SP110: variants seen among roughly 807,000 people sequenced by gnomAD.
The protein encoded by SP110 is interferon-induced protein 41, 30kD.
A neutral mutation model predicts 92.7 loss-of-function variants in SP110; 62 were observed. That is an observed-to-expected ratio of 0.67 (90% CI 0.55 to 0.83). SP110 has a LOEUF of 0.83. Ranked by LOEUF, SP110 falls within the 40% of genes least tolerant of loss-of-function variation. The pLI is 0.00. For missense variants in SP110, 793 were observed against 863.9 expected (o/e 0.92, Z 1.03); for synonymous variants, 273 against 305.3 (o/e 0.89, Z 1.10).
intron 8 of SP110, among the ~76,000 whole-genome samples, chr2:230,205,945 T>C (rs1392699259): frequency 6.6e-6 from 1 of 152,168 alleles, no homozygotes; most frequent in Non-Finnish European, 1.5e-5. Context: ...AGGAGGCCCA[T>C]AGAGAATACA....
At chr2:230,179,379 A>G (rs2148720224) in intron 12 of SP110, among the ~76,000 whole-genome samples, 1 of 151,862 alleles carries the variant, frequency 6.6e-6, no homozygotes, top group East Asian at 2.0e-4. Flanking sequence ...TTGTTTCAAC[A>G]GCCAGCCCTC....
intron 10 of SP110, among the ~76,000 whole-genome samples, chr2:230,199,154 T>C (rs200418631): frequency 9.0e-6 from 1 of 111,616 alleles, no homozygotes; most frequent in Non-Finnish European, 1.8e-5. Flanking sequence ...TATTATTTTT[T>C]TTTTTTTTTA....
chr2:230,168,911 G>A lies in SP110; in HGVS notation c.*213C>T. 1 of 334,444 alleles carries A rather than the reference G, an allele frequency of 3.0e-6. No individual in the cohort carries two copies. The highest frequency in any genetic ancestry group is 2.5e-5 in the South Asian group (1 of 40,626). The allele number at this position is 334,444 out of a possible 1,614,324, so 20.7% of individuals were successfully genotyped here. On this transcript the variant is annotated 3_prime_UTR_variant, in exon 19 of 19. Coordinates refer to ENST00000258381, the MANE Select transcript of SP110 (RefSeq NM_080424.4). Reference sequence around the variant, plus strand: ...TGGGGTATCTGATGGTATTAAGGAAGTATTAATTTTTTTTTTTTTTAGTGT... The same window carrying A: ...TGGGGTATCTGATGGTATTAAGGAAATATTAATTTTTTTTTTTTTTAGTGT...
At chr2:230,187,404 T>C (rs999143597) in intron 10 of SP110, among the ~76,000 whole-genome samples, 1 of 152,228 alleles carries the variant, frequency 6.6e-6, no homozygotes, top group African/African-American at 2.4e-5. Flanking sequence ...CTTCATTGGA[T>C]GCATAATTTG....
At chr2:230,172,709 G>A in intron 15 of SP110, 135 bp downstream of exon 15, 1 of 650,876 alleles carries the variant, frequency 1.5e-6, no homozygotes, top group Admixed American at 2.2e-5. Flanking sequence ...GGCAGTCTCA[G>A]AGACCCAGAG....
Position 230,216,909 on chromosome 2 carries a change from C to G in SP110, c.19G>C (p.Ala7Pro), listed in dbSNP as rs202145240. ...TGCTGAAAAAGAGCCTCTTCCATGGCTCTTGTCATGGTGAACATCCTATGG... is the reference window on the plus strand; with the variant it reads ...TGCTGAAAAAGAGCCTCTTCCATGGGTCTTGTCATGGTGAACATCCTATGG... MFTMTR[A>P]MEEALFQHFM... Residue 7 changes from alanine to proline, a missense_variant, in exon 2 of 19, where the codon GCC (alanine) becomes CCC (proline). Physicochemically the swap from Ala to Pro is conservative, Grantham distance 27. Coordinates refer to ENST00000258381, the MANE Select transcript of SP110 (RefSeq NM_080424.4). 1.9e-6 allele frequency: 3 copies of G among 1,613,632 alleles called. No individual in the cohort carries two copies. The highest frequency in any genetic ancestry group is 1.3e-5 in the African/African-American group (1 of 74,878).
chr2:230,211,028 C>T lies in SP110; in HGVS notation c.751+442G>A, dbSNP rs983807332. Among the ~76,000 whole-genome samples, 2 of 152,184 alleles carry T rather than the reference C, an allele frequency of 1.3e-5. No homozygotes were observed. The highest frequency in any genetic ancestry group is 2.9e-5 in the Non-Finnish European group (2 of 68,028). ...CATTTGCTTTGCATTTTGACAGAGC[C>T]GTTTTGAGCACTACTTTATTGAAGT... is the stretch of plus-strand genomic sequence containing the variant. On this transcript the variant is annotated intron_variant, in intron 6 of 18. Coordinates refer to ENST00000258381, the MANE Select transcript of SP110 (RefSeq NM_080424.4). The surrounding 1 kb of genome is among the most constrained non-coding windows in gnomAD (Gnocchi z 4.2).
rs1553839905 is a variant in SP110, at chr2:230,168,917, AT to A, written c.*206del. ...ATCTGATGGTATTAAGGAAGTATTA[AT>A]TTTTTTTTTTTTTAGTGTAGATATA... On this transcript the variant is annotated 3_prime_UTR_variant, in exon 19 of 19. Coordinates refer to ENST00000258381, the MANE Select transcript of SP110 (RefSeq NM_080424.4). 0.063 allele frequency: 26,436 copies of A among 422,044 alleles called. 137 individuals are homozygous for A. Among genetic ancestry groups the A allele is most frequent in the South Asian group, 0.12 (4,552 of 39,040 alleles). 26.1% of individuals were successfully genotyped at this position (422,044 alleles called of 1,614,324 possible).
At chr2:230,222,125 G>C (rs565304458), upstream of SP110, among the ~76,000 whole-genome samples, 1 of 152,196 alleles carries the variant, frequency 6.6e-6, no homozygotes, top group South Asian at 2.1e-4. Flanking sequence ...AGCTACTCGG[G>C]AGGCTGAGGC....
At chr2:230,222,084 GC>G (rs2045866427), upstream of SP110, among the ~76,000 whole-genome samples, 1 of 152,270 alleles carries the variant, frequency 6.6e-6, no homozygotes, top group Non-Finnish European at 1.5e-5. Flanking sequence ...AAAAAAATTA[GC>G]TGGGCGTGGT....
Position 230,171,686 on chromosome 2 carries a change from T to A in SP110, c.1887+10A>T, listed in dbSNP as rs753451316. On this transcript the variant is annotated intron_variant, in intron 17 of 18. Transcript: ENST00000258381. Reference sequence around the variant, plus strand: ...CATTTTATGCAAGAGAACCGTAAAATGTGACTTACATTAAATGGGATGCCC... The same window carrying A: ...CATTTTATGCAAGAGAACCGTAAAAAGTGACTTACATTAAATGGGATGCCC... 6.2e-7 allele frequency: 1 copy of A among 1,606,752 alleles called. No individual in the cohort carries two copies. The highest frequency in any genetic ancestry group is 1.7e-5 in the Admixed American group (1 of 60,008).
chr2:230,199,765 G>T (rs1574660491), intron 10 of SP110, among the ~76,000 whole-genome samples: 1 of 151,916 alleles, frequency 6.6e-6, no homozygotes, highest in East Asian at 1.9e-4. Context: ...TTATCCATAG[G>T]ATCTTGGAAG....
At chr2:230,212,288 G>A (rs1015250346) in intron 5 of SP110, 59 bp downstream of exon 5, 24 of 1,255,798 alleles carry the variant, frequency 1.9e-5, no homozygotes, top group Middle Eastern at 3.9e-4. Context: ...GTTGGCAGAC[G>A]CATGTTCTCC....
At chr2:230,190,732 T>C (rs1413912747) in intron 10 of SP110, among the ~76,000 whole-genome samples, 1 of 152,240 alleles carries the variant, frequency 6.6e-6, no homozygotes, top group Non-Finnish European at 1.5e-5. Flanking sequence ...TTATTTTTTG[T>C]ATAAGATGTG....
At chr2:230,185,924 A>G in intron 11 of SP110, 70 bp downstream of exon 11, 1 of 1,320,710 alleles carries the variant, frequency 7.6e-7, no homozygotes, top group Non-Finnish European at 1.1e-6. Flanking sequence ...TATCTATCTG[A>G]CCCTGTACTG....
chr2:230,198,649 C>T (rs1174347341), intron 10 of SP110, among the ~76,000 whole-genome samples: 1 of 152,014 alleles, frequency 6.6e-6, no homozygotes, highest in Non-Finnish European at 1.5e-5. Context: ...GGCTGGAGTG[C>T]AGTGGCATGA....
chr2:230,186,296 TTC>T, intron 10 of SP110, among the ~76,000 whole-genome samples, 153 bp from the exon 11 acceptor site: 1 of 152,254 alleles, frequency 6.6e-6, no homozygotes, highest in South Asian at 2.1e-4. Flanking sequence ...TTCCTTCTAT[TTC>T]TCTTTTTCAA....
chr2:230,166,337 C>T lies in SP110; in HGVS notation c.*2787G>A, dbSNP rs1266427647. 6.6e-6 allele frequency among the ~76,000 whole-genome samples: 1 copy of T among 152,216 alleles called. No individual in the cohort carries two copies. Among genetic ancestry groups the T allele is most frequent in the Admixed American group, 6.5e-5 (1 of 15,278 alleles). ...GATAATGTGGTTACCACTGTCTCTC[C>T]AGTGAACTCTGGGTCACACACTTTT... is the stretch of plus-strand genomic sequence containing the variant. On this transcript the variant is annotated 3_prime_UTR_variant, in exon 19 of 19. Coordinates refer to ENST00000258381, the MANE Select transcript of SP110 (RefSeq NM_080424.4).
chr2:230,209,795 A>T, intron 7 of SP110, 136 bp downstream of exon 7: 1 of 713,054 alleles, frequency 1.4e-6, no homozygotes, highest in Non-Finnish European at 2.5e-6. Context: ...CAGCAAATGG[A>T]AACTGCAGAA....
Sources: allele counts gnomAD v4.1 joint callset (sites outside exome capture counted in the v4.1 genomes callset), GRCh38; gene constraint gnomAD v4.1.1; non-coding constraint Gnocchi (gnomAD v3.1); transcripts MANE v1.5; gene names NCBI Gene and HGNC (gene_info 2026-07-23, HGNC 2026-07-21).